Variants in SATB2 observed in about 807,000 individuals in gnomAD.
SATB2 encodes the protein DNA-binding protein SATB2.
In SATB2, 1 loss-of-function variant was observed where a neutral mutation model predicts 73.4. The ratio of observed to expected loss-of-function variants is 0.01; its 90% CI spans 0.00 to 0.06. SATB2 has a LOEUF of 0.06. SATB2 is among the 10% of genes least tolerant of loss of function. The probability of loss-of-function intolerance (pLI) is 1.00; values close to 1 mark genes in which losing one functional copy is unlikely to be tolerated. For missense variants in SATB2, 459 were observed against 945.8 expected (o/e 0.49, Z 6.75); for synonymous variants, 397 against 367.0 (o/e 1.08, Z -0.93).
At chr2:199,410,498 C>T (rs1049925040) in intron 3 of SATB2, among the ~76,000 whole-genome samples, 1 of 152,198 alleles carries the variant, frequency 6.6e-6, no homozygotes, top group Non-Finnish European at 1.5e-5. Flanking sequence ...TTGATCAGAA[C>T]TCCATATTTT....
At chr2:199,460,266 C>T (rs1692445685), upstream of SATB2, among the ~76,000 whole-genome samples, 1 of 152,070 alleles carries the variant, frequency 6.6e-6, no homozygotes, top group South Asian at 2.1e-4. The surrounding 1 kb of genome is among the most constrained non-coding windows in gnomAD (Gnocchi z 4.0). Context: ...AGGTTTGGGG[C>T]TGCAAAGAAA....
intron 3 of SATB2, among the ~76,000 whole-genome samples, chr2:199,407,221 G>A (rs1401980804): frequency 6.7e-6 from 1 of 150,348 alleles, no homozygotes; most frequent in Non-Finnish European, 1.5e-5. Context: ...GGGAGGCAGA[G>A]GTTGCAGTGA....
intron 10 of SATB2, among the ~76,000 whole-genome samples, chr2:199,284,139 C>T (rs1162069864): frequency 6.6e-6 from 1 of 152,170 alleles, no homozygotes; most frequent in African/African-American, 2.4e-5. Flanking sequence ...CTTGTAGTGG[C>T]CACCATATGC....
At chr2:199,306,068 G>A (rs1687423639) in intron 10 of SATB2, among the ~76,000 whole-genome samples, 1 of 152,024 alleles carries the variant, frequency 6.6e-6, no homozygotes, top group South Asian at 2.1e-4. Context: ...ACTGTATCTT[G>A]CTAAAAATTT....
At chr2:199,405,678 A>T (rs906866221) in intron 3 of SATB2, among the ~76,000 whole-genome samples, 1 of 152,208 alleles carries the variant, frequency 6.6e-6, no homozygotes, top group Non-Finnish European at 1.5e-5. Flanking sequence ...ACCTTCACAC[A>T]TATAACTGTA....
intron 3 of SATB2, among the ~76,000 whole-genome samples, chr2:199,421,142 C>T (rs563936966): frequency 2.0e-5 from 3 of 152,190 alleles, no homozygotes; most frequent in African/African-American, 4.8e-5. Flanking sequence ...GAGCCAATGA[C>T]ACTATTAGAA....
chr2:199,350,072 C>T (rs1482484717), intron 6 of SATB2, among the ~76,000 whole-genome samples: 1 of 151,986 alleles, frequency 6.6e-6, no homozygotes, highest in African/African-American at 2.4e-5. Context: ...CTGAAGCAAT[C>T]CCAACATTAT....
chr2:199,360,233 C>T (rs1689096525), intron 6 of SATB2, among the ~76,000 whole-genome samples: 1 of 152,218 alleles, frequency 6.6e-6, no homozygotes, highest in South Asian at 2.1e-4. Flanking sequence ...CTGGGCATTT[C>T]ATGGTCTACA....
intron 6 of SATB2, among the ~76,000 whole-genome samples, chr2:199,364,118 T>C (rs1484543417): frequency 6.6e-6 from 1 of 152,204 alleles, no homozygotes; most frequent in Non-Finnish European, 1.5e-5. Context: ...ATTTCTCTAT[T>C]CAACTCCAAG....
At chr2:199,358,241 T>A (rs1048875757) in intron 6 of SATB2, among the ~76,000 whole-genome samples, 2 of 152,136 alleles carry the variant, frequency 1.3e-5, no homozygotes, top group Non-Finnish European at 2.9e-5. Context: ...TGAAAATACT[T>A]CTGGTTTATT....
chr2:199,377,469 G>T (rs1042275250), intron 5 of SATB2, among the ~76,000 whole-genome samples: 1 of 152,160 alleles, frequency 6.6e-6, no homozygotes, highest in African/African-American at 2.4e-5. Flanking sequence ...AATACAGAAG[G>T]TGGCCTTGTT....
At chr2:199,378,100 T>A (rs1689657939) in intron 5 of SATB2, among the ~76,000 whole-genome samples, 1 of 152,170 alleles carries the variant, frequency 6.6e-6, no homozygotes, top group African/African-American at 2.4e-5. Context: ...GGATCACATA[T>A]CTGGCATAAA....
In SATB2 at chr2:199,450,148, G is replaced by A. The variant is rs953072112; in HGVS notation, c.169+5721C>T. Among the ~76,000 whole-genome samples the A allele has an allele frequency of 5.9e-5, 9 of 151,900 alleles. No homozygotes were observed. In the South Asian group the frequency reaches 6.2e-4, roughly 10 times the overall value. On this transcript the variant is annotated intron_variant, in intron 2 of 10. Transcript: ENST00000417098. ...AGAGACTTTGGGCTGCTAATTTTCC[G>A]TTCACAAAATCTAAATTCCCCTTAT...
upstream of SATB2, among the ~76,000 whole-genome samples, chr2:199,462,280 G>T (rs1419785845): frequency 1.3e-5 from 2 of 152,196 alleles, no homozygotes; most frequent in Non-Finnish European, 2.9e-5. This position sits in a 1 kb window ranked among gnomAD's most constrained non-coding sequence, Gnocchi z 5.9. Flanking sequence ...GGGCGGGAGG[G>T]AATCATTTCT....
At chr2:199,376,983 A>G (rs985439104) in intron 5 of SATB2, among the ~76,000 whole-genome samples, 1 of 152,248 alleles carries the variant, frequency 6.6e-6, no homozygotes, top group African/African-American at 2.4e-5. Flanking sequence ...TCAAAGCCAG[A>G]GATTAACAAG....
intron 3 of SATB2, among the ~76,000 whole-genome samples, chr2:199,432,719 C>T (rs963829978): frequency 1.3e-4 from 20 of 151,952 alleles, no homozygotes; most frequent in African/African-American, 4.6e-4. Flanking sequence ...ATGGGCTATA[C>T]TTCAAAATGA....
chr2:199,418,414 G>C (rs564471555), intron 3 of SATB2, among the ~76,000 whole-genome samples: 122 of 152,110 alleles, frequency 8.0e-4, no homozygotes, highest in African/African-American at 2.9e-3. Context: ...ACTTCTTAGG[G>C]GAAAGAAACT....
chr2:199,297,460 T>C (rs1230046070), intron 10 of SATB2, among the ~76,000 whole-genome samples: 1 of 152,172 alleles, frequency 6.6e-6, no homozygotes, highest in Non-Finnish European at 1.5e-5. Flanking sequence ...AGCACAGAGG[T>C]TCCACTGAAG....
At chr2:199,402,384 C>CA (rs528451341) in intron 3 of SATB2, among the ~76,000 whole-genome samples, 2 of 150,564 alleles carry the variant, frequency 1.3e-5, no homozygotes, top group East Asian at 2.0e-4. Context: ...GACTCCATCT[C>CA]AAAAAAAAAG....
Sources: allele counts gnomAD v4.1 joint callset (sites outside exome capture counted in the v4.1 genomes callset), GRCh38; gene constraint gnomAD v4.1.1; non-coding constraint Gnocchi (gnomAD v3.1); transcripts MANE v1.5; gene names NCBI Gene and HGNC (gene_info 2026-07-23, HGNC 2026-07-21).